The following HDX variants were observed in gnomAD, a reference collection of about 807,000 sequenced individuals.
The protein encoded by HDX is chromosome X open reading frame 43.
HDX carries 19 observed loss-of-function variants against 45.2 expected under a neutral mutation model. The observed-to-expected ratio is 0.42, with a 90% CI of 0.29 to 0.62. The LOEUF (loss-of-function observed/expected upper bound fraction) is 0.62, where lower values mean the gene tolerates loss of function less well. Ranked by LOEUF, HDX falls within the 20% of genes least tolerant of loss-of-function variation. The probability of loss-of-function intolerance (pLI) is 0.20; values close to 1 mark genes in which losing one functional copy is unlikely to be tolerated. For missense variants in HDX, 532 were observed against 493.9 expected (o/e 1.08, Z -0.73); for synonymous variants, 188 against 172.8 (o/e 1.09, Z -0.69).
chrX:84,473,859 C>G (rs2148150648), intron 3 of HDX, among the ~76,000 whole-genome samples: 1 of 111,138 alleles, frequency 9.0e-6, no homozygotes, highest in African/African-American at 3.3e-5. Flanking sequence ...TTTTATATTA[C>G]ATTTTCTAAT....
chrX:84,369,039 G>A (rs996850143), intron 5 of HDX, among the ~76,000 whole-genome samples: 2 of 110,613 alleles, frequency 1.8e-5, no homozygotes, highest in African/African-American at 3.3e-5. Flanking sequence ...ACCAGTCCAT[G>A]GCTCATGGAG....
intron 5 of HDX, among the ~76,000 whole-genome samples, chrX:84,380,856 A>C (rs985715432): frequency 9.0e-6 from 1 of 111,098 alleles, no homozygotes; most frequent in African/African-American, 3.3e-5. Context: ...ATACTACTGG[A>C]AGTTCTAGGA....
intron 5 of HDX, among the ~76,000 whole-genome samples, chrX:84,408,230 G>T (rs5968312): frequency 0.07 from 7,711 of 110,575 alleles, 324 homozygotes; most frequent in African/African-American, 0.16. Flanking sequence ...GTGGTGTAAG[G>T]AAGGAGTCCA....
At chrX:84,405,275 A>G (rs1454281402) in intron 5 of HDX, among the ~76,000 whole-genome samples, 1 of 110,494 alleles carries the variant, frequency 9.1e-6, no homozygotes, top group Non-Finnish European at 1.9e-5. Context: ...AGTCCTAACT[A>G]AATATTCTAC....
chrX:84,394,855 T>C (rs190660880), intron 5 of HDX, among the ~76,000 whole-genome samples: 6 of 111,160 alleles, frequency 5.4e-5, no homozygotes, highest in Admixed American at 2.9e-4. Context: ...TGAAATATCT[T>C]TTTCCAACCC....
At chrX:84,371,610 T>C (rs1053827434) in intron 5 of HDX, among the ~76,000 whole-genome samples, 4 of 111,803 alleles carry the variant, frequency 3.6e-5, no homozygotes, top group African/African-American at 1.3e-4. Flanking sequence ...TTTCTGTATA[T>C]TTAAAGCAGG....
At chrX:84,340,636 G>A (rs757786243) in intron 7 of HDX, among the ~76,000 whole-genome samples, 2 of 111,038 alleles carry the variant, frequency 1.8e-5, no homozygotes, top group Non-Finnish European at 3.8e-5. Context: ...TTAATCAAAC[G>A]AATCGTATTA....
At chrX:84,347,161 A>G (rs1194348595) in intron 6 of HDX, among the ~76,000 whole-genome samples, 1 of 106,655 alleles carries the variant, frequency 9.4e-6, no homozygotes, top group South Asian at 4.0e-4. Flanking sequence ...CCTTCCTTCT[A>G]TTTGCTTTGT....
chrX:84,443,073 CTT>C (rs112249863), intron 4 of HDX, among the ~76,000 whole-genome samples: 4,272 of 111,309 alleles, frequency 0.038, 188 homozygotes, highest in African/African-American at 0.13. Context: ...AGAAGTTTCA[CTT>C]TTTTGTTTTA....
At chrX:84,334,494 T>A (rs1477235310) in intron 8 of HDX, among the ~76,000 whole-genome samples, 1 of 108,971 alleles carries the variant, frequency 9.2e-6, no homozygotes, top group African/African-American at 3.3e-5. Context: ...CTTTAGCTTT[T>A]AAAAAAAGGC....
chrX:84,363,899 TGA>T (rs1045579215), intron 5 of HDX, among the ~76,000 whole-genome samples: 4 of 111,231 alleles, frequency 3.6e-5, no homozygotes, highest in African/African-American at 9.8e-5. Flanking sequence ...ATTATCTTGT[TGA>T]TTTAGTGAAA....
chrX:84,322,315 G>T, intron 10 of HDX, among the ~76,000 whole-genome samples: 1 of 110,900 alleles, frequency 9.0e-6, no homozygotes, highest in Non-Finnish European at 1.9e-5. Context: ...TGAGGTTAGT[G>T]ATTTTCATAC....
At chrX:84,404,822 A>G (rs780804453) in intron 5 of HDX, among the ~76,000 whole-genome samples, 1 of 111,501 alleles carries the variant, frequency 9.0e-6, no homozygotes, top group African/African-American at 3.2e-5. Context: ...TTGGAAAACA[A>G]TATCATGAGA....
At chrX:84,323,555 C>A (rs1223188783) in intron 10 of HDX, among the ~76,000 whole-genome samples, 1 of 111,311 alleles carries the variant, frequency 9.0e-6, no homozygotes, top group African/African-American at 3.3e-5. Flanking sequence ...GGGGAGATTA[C>A]AAATCAAAGA....
intron 2 of HDX, among the ~76,000 whole-genome samples, chrX:84,487,485 C>T (rs1012049982): frequency 8.9e-6 from 1 of 112,430 alleles, no homozygotes; most frequent in African/African-American, 3.2e-5. Context: ...AAACTTCTGT[C>T]AGCAAGTCAG....
intron 2 of HDX, among the ~76,000 whole-genome samples, chrX:84,483,610 T>C (rs2040733730): frequency 8.9e-6 from 1 of 112,453 alleles, no homozygotes; most frequent in Non-Finnish European, 1.9e-5. Flanking sequence ...TCTGATGGGA[T>C]GGGCTTCCGT....
chrX:84,375,421 T>C (rs1438483778), intron 5 of HDX, among the ~76,000 whole-genome samples: 2 of 111,477 alleles, frequency 1.8e-5, no homozygotes, highest in Non-Finnish European at 1.9e-5. Context: ...TTATAAATCA[T>C]GCTGCTATAA....
intron 4 of HDX, among the ~76,000 whole-genome samples, chrX:84,449,345 G>C (rs765445566): frequency 3.1e-4 from 35 of 111,702 alleles, no homozygotes; most frequent in Non-Finnish European, 6.2e-4. Flanking sequence ...AATGCTAAAA[G>C]GTCTTCTCTA....
chrX:84,423,483 C>CAAAAAAAA (rs538893311), intron 5 of HDX, among the ~76,000 whole-genome samples: 2 of 59,497 alleles, frequency 3.4e-5, no homozygotes, highest in Admixed American at 2.3e-4. Context: ...ACAGAAACAT[C>CAAAAAAAA]AAAAAAAAAA....
Sources: gnomAD v4.1 joint callset for allele counts (sites outside exome capture counted in the v4.1 genomes callset) on GRCh38, gnomAD v4.1.1 for gene constraint, MANE v1.5 for transcripts, NCBI Gene and HGNC (gene_info 2026-07-23, HGNC 2026-07-21) for gene names.